The following KLHL7 variants were observed in gnomAD, a reference collection of about 807,000 sequenced individuals.
KLHL7 encodes the protein kelch-like protein 7.
A neutral mutation model predicts 67.4 loss-of-function variants in KLHL7; 44 were observed. That is an observed-to-expected ratio of 0.65 (90% CI 0.51 to 0.84). The LOEUF (loss-of-function observed/expected upper bound fraction) is 0.84. Among genes scored for constraint, KLHL7 ranks in the 40% least tolerant of loss-of-function variants. The probability of loss-of-function intolerance (pLI) is 0.00; values close to 1 mark genes in which losing one functional copy is unlikely to be tolerated. For synonymous variants in KLHL7, 252 were observed against 243.3 expected, an observed-to-expected ratio of 1.04 and a Z score of -0.33; for missense variants, 362 against 718.1, an observed-to-expected ratio of 0.50 and a Z score of 5.67.
intron 7 of KLHL7, among the ~76,000 whole-genome samples, chr7:23,155,591 G>A (rs2128467676): frequency 6.6e-6 from 1 of 151,734 alleles, no homozygotes; most frequent in East Asian, 1.9e-4. Flanking sequence ...TTGAACCCGA[G>A]AGGTGGAGGT....
At chr7:23,123,731 A>T in intron 1 of KLHL7, 46 bp from the exon 2 acceptor site, 1 of 1,307,266 alleles carries the variant, frequency 7.6e-7, no homozygotes, top group Non-Finnish European at 1.1e-6. Flanking sequence ...TTGCCAAGCT[A>T]GGCTAGTGAG....
At chr7:23,123,067 C>T (rs1403055647) in intron 1 of KLHL7, among the ~76,000 whole-genome samples, 2 of 151,898 alleles carry the variant, frequency 1.3e-5, no homozygotes, top group African/African-American at 4.8e-5. Context: ...TTTATTATTC[C>T]GTTTTCCCCA....
chr7:23,134,917 T>C (rs963808559), intron 4 of KLHL7, among the ~76,000 whole-genome samples: 3 of 152,218 alleles, frequency 2.0e-5, no homozygotes, highest in Admixed American at 6.5e-5. Flanking sequence ...TTCATTGATC[T>C]TTTGTATTTT....
chr7:23,150,316 C>T (rs893994281), intron 6 of KLHL7, among the ~76,000 whole-genome samples: 1 of 152,144 alleles, frequency 6.6e-6, no homozygotes, highest in African/African-American at 2.4e-5. Flanking sequence ...ACATTATTAT[C>T]TTGTATATAC....
chr7:23,132,619 C>T (rs1783842204), intron 4 of KLHL7, among the ~76,000 whole-genome samples: 1 of 152,064 alleles, frequency 6.6e-6, no homozygotes, highest in African/African-American at 2.4e-5. Flanking sequence ...TTGATTGCAT[C>T]CTTTACTGTG....
intron 4 of KLHL7, among the ~76,000 whole-genome samples, chr7:23,139,514 A>G (rs1427964719): frequency 2.6e-5 from 4 of 152,344 alleles, no homozygotes; most frequent in South Asian, 2.1e-4. Flanking sequence ...AATACAGCCA[A>G]CTTTTCACCA....
chr7:23,171,176 A>G, intron 9 of KLHL7: 1 of 364,638 alleles, frequency 2.7e-6, no homozygotes, highest in South Asian at 2.1e-5. Flanking sequence ...AAGTGCTGGG[A>G]TTACAGGCGA....
At chr7:23,119,696 A>G (rs1783249788) in intron 1 of KLHL7, among the ~76,000 whole-genome samples, 1 of 152,208 alleles carries the variant, frequency 6.6e-6, no homozygotes, top group South Asian at 2.1e-4. Flanking sequence ...TTTGTCATAT[A>G]TCAAATTGCC....
In KLHL7 at chr7:23,105,970, G is replaced by A. The variant is rs1782616059; in HGVS notation, c.-57G>A. The A allele has an allele frequency of 2.5e-6, 4 of 1,586,284 alleles. No homozygotes were observed. The highest frequency in any genetic ancestry group is 2.7e-5 in the African/African-American group (2 of 74,900). ...CGATAGAATCCCCAGTGTGCCCAGAGAGTGCGACCCCTCGCCCGGCCCGGC... is the reference window on the plus strand; with the variant it reads ...CGATAGAATCCCCAGTGTGCCCAGAAAGTGCGACCCCTCGCCCGGCCCGGC... On this transcript the variant is annotated 5_prime_UTR_variant, in exon 1 of 11. Coordinates refer to ENST00000339077, the MANE Select transcript of KLHL7 (RefSeq NM_001031710.3).
intron 7 of KLHL7, among the ~76,000 whole-genome samples, chr7:23,162,659 T>C (rs1337613947): frequency 6.6e-6 from 1 of 152,244 alleles, no homozygotes; most frequent in Non-Finnish European, 1.5e-5. Context: ...CAAAACTGTT[T>C]CTATGTGTTT....
chr7:23,124,778 C>A lies in KLHL7; in HGVS notation c.314C>A (p.Ala105Asp). 1.3e-6 allele frequency: 2 copies of A among 1,572,286 alleles called. No homozygotes were observed. Among genetic ancestry groups the A allele is most frequent in the Non-Finnish European group, 1.8e-6 (2 of 1,141,944 alleles). The part of the protein sequence containing the change: ...IEQLVEFAYT[A>D]RISVNSNNVQ... ...CAACTGGTGGAATTTGCTTATACTG[C>A]TAGGTGAGTTAAGTATTATTTTTAT... Residue 105 changes from alanine (A) to aspartate (D), a missense_variant, in exon 3 of 11, where the codon GCT (alanine) becomes GAT (aspartate). Around this residue, in one of 5 missense-constraint regions of KLHL7, gnomAD observed 155 missense variants for 280.8 expected, o/e 0.55. Transcript: ENST00000339077.
chr7:23,130,973 A>C (rs1013667030), intron 4 of KLHL7, among the ~76,000 whole-genome samples: 2 of 152,242 alleles, frequency 1.3e-5, no homozygotes, highest in African/African-American at 4.8e-5. Flanking sequence ...AGGGATCAAG[A>C]AAGTGACTTT....
intron 5 of KLHL7, among the ~76,000 whole-genome samples, chr7:23,143,429 A>G (rs1050362829): frequency 2.0e-5 from 3 of 152,188 alleles, no homozygotes; most frequent in Non-Finnish European, 4.4e-5. Context: ...AAATAAAATC[A>G]TGGGTGACCT....
chr7:23,149,400 G>T (rs553639642), intron 6 of KLHL7, among the ~76,000 whole-genome samples: 2 of 152,300 alleles, frequency 1.3e-5, no homozygotes, highest in African/African-American at 4.8e-5. Context: ...TGGCCTGTTG[G>T]TGGAAACAGT....
intron 9 of KLHL7, chr7:23,172,076 T>C: frequency 4.6e-6 from 2 of 439,330 alleles, no homozygotes; most frequent in Admixed American, 2.7e-5. Flanking sequence ...ATGCCAAGTT[T>C]CCCTTTTGTT....
chr7:23,105,904 A>G lies in KLHL7; in HGVS notation c.-123A>G. 2.1e-6 allele frequency: 3 copies of G among 1,445,996 alleles called. No individual in the cohort carries two copies. The highest frequency in any genetic ancestry group is 2.0e-5 in the Admixed American group (1 of 50,682). The allele number at this position is 1,445,996 out of a possible 1,614,324, so 89.6% of individuals were successfully genotyped here. The stretch of plus-strand genomic sequence containing the variant: ...CACCGCCGCCTGCCGCGCGTTCCAG[A>G]GCTGGGCGCTGCAGCTGCACTGCCG... On this transcript the variant is annotated 5_prime_UTR_variant, in exon 1 of 11. Transcript: ENST00000339077.
chr7:23,125,637 C>T, intron 4 of KLHL7: 1 of 1,205,278 alleles, frequency 8.3e-7, no homozygotes. Context: ...GCTGCCTCCC[C>T]ACATTGTCAA....
At chr7:23,131,100 C>T (rs912689322) in intron 4 of KLHL7, among the ~76,000 whole-genome samples, 2 of 152,168 alleles carry the variant, frequency 1.3e-5, no homozygotes, top group Admixed American at 6.5e-5. Flanking sequence ...TTTAAAAATC[C>T]GAATCATTTT....
chr7:23,109,002 G>A lies in KLHL7; in HGVS notation c.120+2856G>A, dbSNP rs919342071. The stretch of plus-strand genomic sequence containing the variant: ...TACTTTGAACATTTTTGTACACTTT[G>A]TACATGCCTTTTGGTATGCATATGT... On this transcript the variant is annotated intron_variant, in intron 1 of 10. Coordinates refer to ENST00000339077, the MANE Select transcript of KLHL7 (RefSeq NM_001031710.3). 4.6e-5 allele frequency among the ~76,000 whole-genome samples: 7 copies of A among 152,136 alleles called. 1 individual carries two copies. Among genetic ancestry groups the A allele is most frequent in the Admixed American group, 3.9e-4 (6 of 15,284 alleles).
Sources: allele counts gnomAD v4.1 joint callset (sites outside exome capture counted in the v4.1 genomes callset), GRCh38; gene constraint gnomAD v4.1.1; regional missense constraint gnomAD v4.1.1; transcripts MANE v1.5; gene names NCBI Gene and HGNC (gene_info 2026-07-23, HGNC 2026-07-21).